Variants in SESN3 observed in about 807,000 individuals in gnomAD.
SESN3 encodes sestrin-3.
Under a neutral mutation model 55.3 loss-of-function variants are expected in SESN3, and 21 were observed. That is an observed-to-expected ratio of 0.38 (90% CI 0.27 to 0.55). The LOEUF is 0.55. SESN3 is among the 20% of genes least tolerant of loss of function. SESN3 has a pLI of 0.76. For synonymous variants in SESN3, 181 were observed against 203.1 expected (o/e 0.89, Z 0.93); for missense variants, 408 against 604.3 (o/e 0.68, Z 3.41).
intron 1 of SESN3, among the ~76,000 whole-genome samples, chr11:95,215,384 C>T (rs1293503565): frequency 2.0e-5 from 3 of 152,126 alleles, no homozygotes; most frequent in Admixed American, 6.5e-5. Context: ...AATTGTTATT[C>T]TTTGCTGGTT....
chr11:95,230,699 C>A lies in SESN3; in HGVS notation c.78+84G>T. 5 of 975,026 alleles carry A rather than the reference C, an allele frequency of 5.1e-6. No individual in the cohort carries two copies. The highest frequency in any genetic ancestry group is 6.3e-6 in the Non-Finnish European group (4 of 637,328). The allele number at this position is 975,026 out of a possible 1,614,324, so 60.4% of individuals were successfully genotyped here. On this transcript the variant is annotated intron_variant, in intron 1 of 9. Coordinates refer to ENST00000536441, the MANE Select transcript of SESN3 (RefSeq NM_144665.4). This position sits in a 1 kb window ranked among gnomAD's most constrained non-coding sequence, Gnocchi z 4.6. ...CCCGGGGATCCCTCTCAGCCTCCCC[C>A]AGTGCGCGCCCGGGGACGAGCCGCC...
rs1859729611 is a variant in SESN3, at chr11:95,165,606, T to G, written c.*7649A>C. 1 of 152,146 alleles carries G rather than the reference T, an allele frequency of 6.6e-6. No individual in the cohort carries two copies. The highest frequency in any genetic ancestry group is 1.5e-5 in the Non-Finnish European group (1 of 68,006). The allele number at this position is 152,146 out of a possible 1,614,324, so 9.4% of individuals were successfully genotyped here. On this transcript the variant is annotated 3_prime_UTR_variant, in exon 10 of 10. Coordinates refer to ENST00000536441, the MANE Select transcript of SESN3 (RefSeq NM_144665.4). ...CCTACTAATAACAATGAAATAAATT[T>G]CTGCAAGTATAAATGTGATACAGTT...
intron 1 of SESN3, among the ~76,000 whole-genome samples, chr11:95,216,190 G>A (rs190872065): frequency 3.7e-4 from 56 of 151,632 alleles, no homozygotes; most frequent in African/African-American, 1.1e-3. Context: ...GTTTCTAAGT[G>A]CTCTACACCT....
At chr11:95,175,404 A>G in intron 9 of SESN3, 94 bp downstream of exon 9, 1 of 1,124,244 alleles carries the variant, frequency 8.9e-7, no homozygotes, top group Admixed American at 2.3e-5. Flanking sequence ...AATGGCTATA[A>G]TTTATTAATA....
Position 95,178,724 on chromosome 11 carries a change from T to G in SESN3, c.1042A>C (p.Thr348Pro). The change falls in exon 7 of 10, where the codon ACA (threonine) becomes CCA (proline). Residue 348 changes from threonine (T) to proline (P), a missense_variant. Around this residue, in one of 4 missense-constraint regions of SESN3, gnomAD observed 121 missense variants for 204.9 expected, o/e 0.59. Coordinates refer to ENST00000536441, the MANE Select transcript of SESN3 (RefSeq NM_144665.4). Reference protein sequence around the residue: ...FARRGEEHLPTFRAQDYTWEN... With the variant: ...FARRGEEHLPPFRAQDYTWEN... ...ACATATTATACCTGAGCTCGGAATG[T>G]TGGCAAATGCTCTTCTCCTCGTCTG... 1.2e-6 allele frequency: 2 copies of G among 1,602,904 alleles called. No individual in the cohort carries two copies. Among genetic ancestry groups the G allele is most frequent in the Non-Finnish European group, 1.7e-6 (2 of 1,169,852 alleles).
At chr11:95,188,152 T>G (rs1030164194) in intron 4 of SESN3, among the ~76,000 whole-genome samples, 2 of 151,866 alleles carry the variant, frequency 1.3e-5, no homozygotes, top group South Asian at 2.1e-4. Context: ...CCTTTAATGA[T>G]TCTCGATTCT....
chr11:95,190,645 A>G (rs1860249961), intron 3 of SESN3, among the ~76,000 whole-genome samples: 2 of 152,044 alleles, frequency 1.3e-5, no homozygotes, highest in Admixed American at 6.6e-5. Context: ...TCATCATTCA[A>G]TAAAACATGG....
Position 95,168,462 on chromosome 11 carries a change from G to A in SESN3, c.*4793C>T, listed in dbSNP as rs932235394. On this transcript the variant is annotated 3_prime_UTR_variant, in exon 10 of 10. Coordinates refer to ENST00000536441, the MANE Select transcript of SESN3 (RefSeq NM_144665.4). ...TTGATAGAAGGCAAAAATCTTTTAT[G>A]ATTTATTTAAAATATGGAAGTTGTA... 6.6e-6 allele frequency: 1 copy of A among 152,134 alleles called. No individual in the cohort carries two copies. The highest frequency in any genetic ancestry group is 1.5e-5 in the Non-Finnish European group (1 of 68,036). The allele number at this position is 152,134 out of a possible 1,614,324, so 9.4% of individuals were successfully genotyped here.
intron 1 of SESN3, among the ~76,000 whole-genome samples, chr11:95,194,252 C>T (rs1230184880): frequency 6.6e-6 from 1 of 152,034 alleles, no homozygotes; most frequent in Non-Finnish European, 1.5e-5. Flanking sequence ...TAGGGTCCTT[C>T]TTCTCACCCT....
intron 1 of SESN3, among the ~76,000 whole-genome samples, chr11:95,205,527 AC>A (rs1333773895): frequency 6.6e-6 from 1 of 152,182 alleles, no homozygotes; most frequent in Non-Finnish European, 1.5e-5. Flanking sequence ...AGGGTTCCTC[AC>A]AGAATTCTGA....
At chr11:95,178,960 T>A in intron 6 of SESN3, 132 bp from the exon 7 acceptor site, 1 of 550,280 alleles carries the variant, frequency 1.8e-6, no homozygotes, top group Non-Finnish European at 3.2e-6. Context: ...CTCCGTGACT[T>A]TATATAAAAT....
chr11:95,186,241 T>G (rs1031935714), intron 4 of SESN3, among the ~76,000 whole-genome samples: 2 of 136,182 alleles, frequency 1.5e-5, no homozygotes, highest in African/African-American at 2.7e-5. Context: ...TGTGTGTGTG[T>G]GGTGTATGTA....
chr11:95,203,579 G>C (rs193020179), intron 1 of SESN3: 10 of 152,254 alleles, frequency 6.6e-5, no homozygotes, highest in African/African-American at 2.4e-4. Context: ...GAACAGATCT[G>C]ATCTGTATAG....
intron 1 of SESN3, among the ~76,000 whole-genome samples, chr11:95,210,778 A>G (rs1162935646): frequency 1.3e-5 from 2 of 152,224 alleles, no homozygotes; most frequent in Non-Finnish European, 2.9e-5. Flanking sequence ...AACAGTTTGT[A>G]TTTTTAAAAA....
rs1398783692 is a variant in SESN3 at position 95,230,948 on chromosome 11, C to T, written c.-88G>A. ...ACTGCAGGGCCGGTCCGTCCCCCCG[C>T]CGCCAGCCGCGATTCCGCCTCAGCC... On this transcript the variant is annotated 5_prime_UTR_variant, in exon 1 of 10. Coordinates refer to ENST00000536441, the MANE Select transcript of SESN3 (RefSeq NM_144665.4). This position sits in a 1 kb window ranked among gnomAD's most constrained non-coding sequence, Gnocchi z 4.6. The T allele has an allele frequency of 1.2e-5, 10 of 835,734 alleles. 1 individual carries two copies. Among genetic ancestry groups the T allele is most frequent in the Non-Finnish European group, 1.7e-5 (10 of 593,798 alleles). 51.8% of individuals were successfully genotyped at this position (835,734 alleles called of 1,614,324 possible).
At chr11:95,198,124 C>T (rs544965393) in intron 1 of SESN3, among the ~76,000 whole-genome samples, 2 of 151,980 alleles carry the variant, frequency 1.3e-5, no homozygotes, top group Non-Finnish European at 2.9e-5. Flanking sequence ...TGTCTTTTAC[C>T]AACTAAATCT....
intron 4 of SESN3, among the ~76,000 whole-genome samples, chr11:95,186,822 A>T (rs866823841): frequency 6.6e-6 from 1 of 151,902 alleles, no homozygotes; most frequent in Non-Finnish European, 1.5e-5. Context: ...GAGGGTCATT[A>T]TTGAATAATA....
At chr11:95,206,592 A>G (rs1299059722) in intron 1 of SESN3, among the ~76,000 whole-genome samples, 7 of 152,036 alleles carry the variant, frequency 4.6e-5, no homozygotes, top group African/African-American at 1.4e-4. Context: ...CATTCTCTTG[A>G]TATCTCCTCC....
intron 1 of SESN3, among the ~76,000 whole-genome samples, chr11:95,195,562 T>C (rs1320872477): frequency 1.3e-5 from 2 of 152,178 alleles, no homozygotes; most frequent in Non-Finnish European, 2.9e-5. Context: ...CGCAGATGCA[T>C]ACAAAAAGTG....
Sources: gnomAD v4.1 joint callset for allele counts (sites outside exome capture counted in the v4.1 genomes callset) on GRCh38, gnomAD v4.1.1 for gene constraint, gnomAD v4.1.1 regional missense constraint, Gnocchi (gnomAD v3.1) non-coding constraint, MANE v1.5 for transcripts, NCBI Gene and HGNC (gene_info 2026-07-23, HGNC 2026-07-21) for gene names.